Variants in CFAP61 observed in about 807,000 individuals in gnomAD.
The protein encoded by CFAP61 is cilia- and flagella-associated protein 61.
Under a neutral mutation model 135.6 loss-of-function variants are expected in CFAP61, and 107 were observed. The ratio of observed to expected loss-of-function variants is 0.79; its 90% CI spans 0.67 to 0.93. The LOEUF is 0.93. Ranked by LOEUF, CFAP61 falls within the 40% of genes least tolerant of loss-of-function variation. CFAP61 has a pLI of 0.00. For missense variants in CFAP61, 1,507 were observed against 1,556.2 expected (o/e 0.97, Z 0.53); for synonymous variants, 575 against 578.5 (o/e 0.99, Z 0.09).
intron 13 of CFAP61, among the ~76,000 whole-genome samples, chr20:20,181,496 C>T (rs1247325038): frequency 2.6e-5 from 4 of 152,058 alleles, no homozygotes. Flanking sequence ...GTGACCCAGA[C>T]TGCAAGACTC....
chr20:20,290,615 A>G (rs1373535011), intron 24 of CFAP61, among the ~76,000 whole-genome samples: 1 of 152,242 alleles, frequency 6.6e-6, no homozygotes, highest in African/African-American at 2.4e-5. Flanking sequence ...TGTGTAGCCA[A>G]CAGGATATTG....
rs376317047 is a variant in CFAP61 at position 20,106,972 on chromosome 20, TA to T, written c.859+8159del. ...AGTTAGTTGCTAGAAAACACGGTGA[TA>T]GGGGTGATTCAAGGGATTTTCATCC... On this transcript the variant is annotated intron_variant, in intron 8 of 26. Coordinates refer to ENST00000245957, the MANE Select transcript of CFAP61 (RefSeq NM_015585.4). 9.2e-5 allele frequency among the ~76,000 whole-genome samples: 14 copies of T among 152,342 alleles called. No homozygotes were observed. The East Asian group carries it at 2.1e-3, about 23-fold the overall frequency.
At chr20:20,299,521 G>T (rs1422393868) in intron 25 of CFAP61, among the ~76,000 whole-genome samples, 5 of 152,164 alleles carry the variant, frequency 3.3e-5, no homozygotes, top group Non-Finnish European at 7.3e-5. Flanking sequence ...CACCAAAATG[G>T]GCATTGGGCT....
chr20:20,113,667 G>A (rs2048945693), intron 8 of CFAP61, among the ~76,000 whole-genome samples: 1 of 152,140 alleles, frequency 6.6e-6, no homozygotes, highest in African/African-American at 2.4e-5. Flanking sequence ...CACATATGGT[G>A]TGATATAGAA....
intron 24 of CFAP61, among the ~76,000 whole-genome samples, chr20:20,291,219 C>T (rs977917562): frequency 1.3e-5 from 2 of 152,196 alleles, no homozygotes; most frequent in Non-Finnish European, 2.9e-5. Context: ...TGTGTACATT[C>T]TGTGGGTTTG....
intron 20 of CFAP61, among the ~76,000 whole-genome samples, chr20:20,256,963 T>A (rs2051651820): frequency 6.6e-6 from 1 of 152,224 alleles, no homozygotes; most frequent in Non-Finnish European, 1.5e-5. Flanking sequence ...AGCTGCCATT[T>A]CAGGGGCTGG....
intron 16 of CFAP61, among the ~76,000 whole-genome samples, chr20:20,197,280 C>G (rs1002877617): frequency 1.3e-5 from 2 of 152,182 alleles, no homozygotes; most frequent in Non-Finnish European, 2.9e-5. Context: ...CGATGTAACC[C>G]CATGTAACAC....
chr20:20,084,562 G>A (rs2046661448), intron 6 of CFAP61, among the ~76,000 whole-genome samples: 1 of 152,192 alleles, frequency 6.6e-6, no homozygotes, highest in African/African-American at 2.4e-5. Context: ...TTCCTCTGGG[G>A]CCGTAATCAT....
intron 1 of CFAP61, chr20:20,056,120 T>C: frequency 7.7e-6 from 6 of 781,644 alleles, no homozygotes; most frequent in Middle Eastern, 2.4e-4. Context: ...TGGTGGCCCT[T>C]CAGGAAGCCT....
At chr20:20,067,773 T>G (rs1299690748) in intron 2 of CFAP61, among the ~76,000 whole-genome samples, 1 of 55,804 alleles carries the variant, frequency 1.8e-5, no homozygotes, top group African/African-American at 3.6e-5. Flanking sequence ...ATATATGTAT[T>G]TATTATATAT....
chr20:20,073,616 A>G (rs952990602), intron 3 of CFAP61, among the ~76,000 whole-genome samples: 7 of 151,364 alleles, frequency 4.6e-5, no homozygotes, highest in Admixed American at 4.6e-4. Flanking sequence ...GAGTGGACCA[A>G]TGTGTGGATG....
intron 17 of CFAP61, among the ~76,000 whole-genome samples, chr20:20,219,119 C>A (rs186285349): frequency 6.6e-6 from 1 of 152,268 alleles, no homozygotes; most frequent in East Asian, 1.9e-4. Context: ...TCGAAATGAC[C>A]AATCCACTAC....
At chr20:20,275,821 G>A (rs1477192468) in intron 21 of CFAP61, among the ~76,000 whole-genome samples, 3 of 152,218 alleles carry the variant, frequency 2.0e-5, no homozygotes, top group Non-Finnish European at 2.9e-5. Context: ...AGACAGCCAA[G>A]ATTCATGTTT....
chr20:20,177,836 G>A (rs1174571454), intron 13 of CFAP61, among the ~76,000 whole-genome samples: 1 of 151,720 alleles, frequency 6.6e-6, no homozygotes, highest in Admixed American at 6.6e-5. Context: ...TAGGGTGACA[G>A]GAAGGGTGGC....
chr20:20,339,603 G>A (rs1476778744), intron 25 of CFAP61, among the ~76,000 whole-genome samples: 3 of 151,996 alleles, frequency 2.0e-5, no homozygotes, highest in African/African-American at 7.3e-5. Flanking sequence ...CCTAGTAGCT[G>A]GGACCACAGG....
At chr20:20,233,749 C>T (rs1169503924) in intron 18 of CFAP61, among the ~76,000 whole-genome samples, 1 of 152,132 alleles carries the variant, frequency 6.6e-6, no homozygotes, top group South Asian at 2.1e-4. Context: ...AATAAAAGCA[C>T]CTTCATTTAC....
intron 25 of CFAP61, among the ~76,000 whole-genome samples, chr20:20,301,352 C>T (rs973800628): frequency 1.3e-5 from 2 of 152,184 alleles, no homozygotes; most frequent in African/African-American, 2.4e-5. Context: ...GGCATATAGG[C>T]CAGGTGTGTA....
intron 16 of CFAP61, among the ~76,000 whole-genome samples, chr20:20,199,328 C>T (rs2056478872): frequency 6.6e-6 from 1 of 152,118 alleles, no homozygotes; most frequent in Admixed American, 6.5e-5. Flanking sequence ...TTTCACATCC[C>T]TGCTAAGTTA....
chr20:20,115,259 C>T (rs1409970024), intron 8 of CFAP61, among the ~76,000 whole-genome samples: 1 of 149,368 alleles, frequency 6.7e-6, no homozygotes, highest in Non-Finnish European at 1.5e-5. Flanking sequence ...ATTCTCTCTT[C>T]TATTCATTTC....
Sources: gnomAD v4.1 joint callset for allele counts (sites outside exome capture counted in the v4.1 genomes callset) on GRCh38, gnomAD v4.1.1 for gene constraint, MANE v1.5 for transcripts, NCBI Gene and HGNC (gene_info 2026-07-23, HGNC 2026-07-21) for gene names.